RGS17: variants seen among roughly 807,000 people sequenced by gnomAD.
RGS17 encodes regulator of G protein signaling 17, also known as regulator of G-protein signaling 17.
A neutral mutation model predicts 25.5 loss-of-function variants in RGS17; 12 were observed. The observed-to-expected ratio is 0.47, with a 90% CI of 0.30 to 0.76. The LOEUF (loss-of-function observed/expected upper bound fraction) is 0.76, where lower values mean the gene tolerates loss of function less well. Among genes scored for constraint, RGS17 ranks in the 30% least tolerant of loss-of-function variants. The pLI is 0.07. For missense variants in RGS17, 196 were observed against 242.2 expected (o/e 0.81, Z 1.27); for synonymous variants, 71 against 76.9 (o/e 0.92, Z 0.40).
intron 1 of RGS17, 146 bp from the exon 2 acceptor site, chr6:153,044,189 A>T: frequency 1.7e-6 from 1 of 579,302 alleles, no homozygotes; most frequent in South Asian, 2.0e-5. Flanking sequence ...CAAACTAAAA[A>T]TTCTCAGGAA....
chr6:153,102,199 C>A (rs1777314434), intron 1 of RGS17, among the ~76,000 whole-genome samples: 1 of 152,186 alleles, frequency 6.6e-6, no homozygotes, highest in African/African-American at 2.4e-5. Flanking sequence ...GGGACACCAG[C>A]AAGGAGGACA....
chr6:153,012,698 C>G (rs1294273971), intron 4 of RGS17, among the ~76,000 whole-genome samples: 3 of 152,170 alleles, frequency 2.0e-5, no homozygotes, highest in Non-Finnish European at 4.4e-5. Flanking sequence ...TTTCCTCGAT[C>G]CTCACTGTTT....
intron 1 of RGS17, among the ~76,000 whole-genome samples, chr6:153,122,920 A>G (rs1301773351): frequency 6.7e-5 from 5 of 75,176 alleles, no homozygotes; most frequent in Non-Finnish European, 1.1e-4. Context: ...CCAATTCACA[A>G]TGAAGCCTTT....
intron 3 of RGS17, among the ~76,000 whole-genome samples, chr6:153,025,029 G>A (rs573636119): frequency 3.3e-5 from 5 of 151,654 alleles, no homozygotes; most frequent in African/African-American, 1.2e-4. Context: ...TAATTTTTCT[G>A]TTGGGCATGG....
At chr6:153,105,587 C>G (rs1035800322) in intron 1 of RGS17, among the ~76,000 whole-genome samples, 5 of 152,014 alleles carry the variant, frequency 3.3e-5, no homozygotes, top group African/African-American at 1.2e-4. Context: ...TAGCCAGAGA[C>G]AGTTTAATTT....
At chr6:153,017,507 T>G (rs1211674225) in intron 4 of RGS17, among the ~76,000 whole-genome samples, 1 of 152,126 alleles carries the variant, frequency 6.6e-6, no homozygotes, top group African/African-American at 2.4e-5. Context: ...TTCCTATTCA[T>G]TGAAGGAGGA....
At chr6:153,102,386 T>C (rs1777318989) in intron 1 of RGS17, among the ~76,000 whole-genome samples, 1 of 152,244 alleles carries the variant, frequency 6.6e-6, no homozygotes, top group Non-Finnish European at 1.5e-5. Context: ...TTCTTACCAA[T>C]GTGATTTGGA....
chr6:153,098,389 T>A (rs1372892195), intron 1 of RGS17, among the ~76,000 whole-genome samples: 6 of 152,204 alleles, frequency 3.9e-5, no homozygotes. Flanking sequence ...TTTGGAAAAA[T>A]TTATTCCAGA....
chr6:153,027,646 C>G (rs180758660), intron 2 of RGS17, among the ~76,000 whole-genome samples: 1 of 152,120 alleles, frequency 6.6e-6, no homozygotes, highest in East Asian at 1.9e-4. Context: ...TATTATTATC[C>G]CCATTTTACA....
chr6:153,127,645 C>T (rs952097361), intron 1 of RGS17, among the ~76,000 whole-genome samples: 1 of 152,094 alleles, frequency 6.6e-6, no homozygotes, highest in African/African-American at 2.4e-5. Context: ...AATTTTGTAT[C>T]GTAGGGGATC....
intron 1 of RGS17, among the ~76,000 whole-genome samples, chr6:153,060,659 C>G (rs1009211671): frequency 2.0e-5 from 3 of 150,262 alleles, no homozygotes; most frequent in African/African-American, 7.3e-5. Flanking sequence ...CTATTTTGCT[C>G]AGAGAGGAAA....
intron 1 of RGS17, among the ~76,000 whole-genome samples, chr6:153,091,763 T>C (rs1396053074): frequency 6.6e-6 from 1 of 152,194 alleles, no homozygotes; most frequent in East Asian, 1.9e-4. Context: ...TCTGCCCGCC[T>C]TGGCCTCCCA....
chr6:153,034,376 GTGATACAGAC>G (rs1400672173), intron 2 of RGS17, among the ~76,000 whole-genome samples: 1 of 152,198 alleles, frequency 6.6e-6, no homozygotes, highest in Non-Finnish European at 1.5e-5. Context: ...GAAGCGCGAA[GTGATACAGAC>G]TGAAGAAACA....
chr6:153,090,030 G>T (rs762246537), intron 1 of RGS17, among the ~76,000 whole-genome samples: 2 of 152,026 alleles, frequency 1.3e-5, no homozygotes, highest in African/African-American at 4.8e-5. Flanking sequence ...ATTAACTGAA[G>T]GATTGAACAG....
At chr6:153,111,261 G>A (rs1777465713) in intron 1 of RGS17, among the ~76,000 whole-genome samples, 1 of 152,150 alleles carries the variant, frequency 6.6e-6, no homozygotes, top group Non-Finnish European at 1.5e-5. Flanking sequence ...CGGGGGAGGG[G>A]CGTCCGCCAT....
At chr6:153,082,869 G>A (rs1452235264) in intron 1 of RGS17, among the ~76,000 whole-genome samples, 1 of 152,130 alleles carries the variant, frequency 6.6e-6, no homozygotes, top group Admixed American at 6.6e-5. Context: ...TTTACTGCAT[G>A]AGTCTAGAGT....
At chr6:153,085,241 T>A (rs143474415) in intron 1 of RGS17, among the ~76,000 whole-genome samples, 1 of 152,222 alleles carries the variant, frequency 6.6e-6, no homozygotes. Context: ...TTGCTAGCCA[T>A]GGCTATAACT....
intron 1 of RGS17, among the ~76,000 whole-genome samples, chr6:153,068,573 A>G (rs1025462687): frequency 1.1e-4 from 17 of 152,326 alleles, no homozygotes; most frequent in Non-Finnish European, 2.1e-4. Flanking sequence ...TCCCACAAGC[A>G]TAGGCAACCA....
intron 1 of RGS17, among the ~76,000 whole-genome samples, chr6:153,085,057 A>G (rs1777034551): frequency 6.6e-6 from 1 of 152,204 alleles, no homozygotes; most frequent in African/African-American, 2.4e-5. Context: ...ATTTACGCTC[A>G]GTCTTCTCTC....
Sources: allele counts gnomAD v4.1 joint callset (sites outside exome capture counted in the v4.1 genomes callset), GRCh38; gene constraint gnomAD v4.1.1; transcripts MANE v1.5; gene names NCBI Gene and HGNC (gene_info 2026-07-23, HGNC 2026-07-21).